ANO3: variants seen among roughly 807,000 people sequenced by gnomAD.
ANO3 encodes anoctamin 3.
Under a neutral mutation model 144.8 loss-of-function variants are expected in ANO3, and 99 were observed. That is an observed-to-expected ratio of 0.68 (90% confidence interval 0.58 to 0.81). The LOEUF is 0.81. ANO3 is among the 30% of genes least tolerant of loss of function. The pLI is 0.00. For missense variants in ANO3, 905 were observed against 1,202.2 expected (o/e 0.75, Z 3.66); for synonymous variants, 414 against 392.6 (o/e 1.05, Z -0.64).
intron 1 of ANO3, among the ~76,000 whole-genome samples, chr11:26,369,672 C>T (rs1013655543): frequency 2.0e-5 from 3 of 152,070 alleles, no homozygotes; most frequent in Non-Finnish European, 2.9e-5. Context: ...AAATACTCAA[C>T]CTAATTAATC....
At chr11:26,480,221 C>T (rs1860156298) in intron 4 of ANO3, among the ~76,000 whole-genome samples, 1 of 152,200 alleles carries the variant, frequency 6.6e-6, no homozygotes, top group African/African-American at 2.4e-5. Flanking sequence ...ACACTTTCCA[C>T]ACTGAGCTGG....
At chr11:26,209,591 CTAA>C in intron 1 of ANO3, among the ~76,000 whole-genome samples, 1 of 75,596 alleles carries the variant, frequency 1.3e-5, no homozygotes, top group Non-Finnish European at 3.7e-5. Flanking sequence ...AATGGTTGAA[CTAA>C]TTTACAATCC....
At chr11:26,388,579 C>T (rs1046467790) in intron 1 of ANO3, among the ~76,000 whole-genome samples, 1 of 152,038 alleles carries the variant, frequency 6.6e-6, no homozygotes. Flanking sequence ...CTAATTTAAG[C>T]CTTTACAATA....
At chr11:26,191,835 G>A (rs192684328) in intron 1 of ANO3, among the ~76,000 whole-genome samples, 7 of 151,884 alleles carry the variant, frequency 4.6e-5, no homozygotes, top group East Asian at 3.9e-4. Context: ...TCCTGTTGCC[G>A]AACATCTGTA....
At chr11:26,284,625 C>T (rs2133847481) in intron 1 of ANO3, among the ~76,000 whole-genome samples, 1 of 152,158 alleles carries the variant, frequency 6.6e-6, no homozygotes, top group African/African-American at 2.4e-5. Flanking sequence ...TTGGGCTGGG[C>T]GCGGTGGCTC....
intron 1 of ANO3, among the ~76,000 whole-genome samples, chr11:26,432,823 G>T (rs1332525074): frequency 6.6e-6 from 1 of 152,194 alleles, no homozygotes; most frequent in Non-Finnish European, 1.5e-5. Flanking sequence ...ATAGTTTGAA[G>T]TCGGGTAACA....
At chr11:26,634,458 C>T in intron 19 of ANO3, 143 bp downstream of exon 19, 1 of 573,870 alleles carries the variant, frequency 1.7e-6, no homozygotes, top group Non-Finnish European at 3.1e-6. Flanking sequence ...CTATTTGCTG[C>T]ATTTGAGCTG....
At chr11:26,285,694 A>T (rs1853791037) in intron 1 of ANO3, 1 of 152,324 alleles carries the variant, frequency 6.6e-6, no homozygotes, top group South Asian at 2.1e-4. Context: ...ATCACTCAAC[A>T]TCTAGAATCG....
chr11:26,393,474 C>G (rs1215581794), intron 1 of ANO3, among the ~76,000 whole-genome samples: 1 of 151,998 alleles, frequency 6.6e-6, no homozygotes, highest in East Asian at 1.9e-4. Flanking sequence ...TGGAAGAGAC[C>G]AAGAAGTCAG....
At chr11:26,586,451 T>G (rs937028999) in intron 14 of ANO3, among the ~76,000 whole-genome samples, 8 of 148,714 alleles carry the variant, frequency 5.4e-5, no homozygotes, top group Admixed American at 3.4e-4. Context: ...AGAATTGATC[T>G]TGATTGTTCA....
intron 1 of ANO3, among the ~76,000 whole-genome samples, chr11:26,297,257 C>A: frequency 6.7e-6 from 1 of 148,564 alleles, no homozygotes; most frequent in East Asian, 2.0e-4. Context: ...TTTTTTTATC[C>A]CTTTTTTGTC....
chr11:26,333,278 C>T (rs979202892), intron 1 of ANO3, among the ~76,000 whole-genome samples: 30 of 119,168 alleles, frequency 2.5e-4, no homozygotes, highest in Admixed American at 2.0e-3. Context: ...TTATGTAGCT[C>T]TTTGACTTTT....
chr11:26,430,508 T>G (rs995364329), intron 1 of ANO3, among the ~76,000 whole-genome samples: 2 of 152,174 alleles, frequency 1.3e-5, no homozygotes, highest in Non-Finnish European at 2.9e-5. Flanking sequence ...TCAGGAAGAT[T>G]ATTTATAGCT....
At chr11:26,311,252 C>T (rs1024331744) in intron 1 of ANO3, among the ~76,000 whole-genome samples, 2 of 152,146 alleles carry the variant, frequency 1.3e-5, no homozygotes, top group African/African-American at 4.8e-5. Flanking sequence ...ATTGACTCTT[C>T]CCAACAACTC....
rs147249631 is a variant in ANO3, at chr11:26,614,049, A to G, written c.1837-10413A>G. Among the ~76,000 whole-genome samples, 397 of 152,316 alleles carry G rather than the reference A, an allele frequency of 2.6e-3. 1 individual carries two copies. The highest frequency in any genetic ancestry group is 4.5e-3 in the Non-Finnish European group (307 of 68,016). On this transcript the variant is annotated intron_variant, in intron 17 of 26. Coordinates refer to ENST00000256737, the MANE Select transcript of ANO3 (RefSeq NM_031418.4). ...TCAGGCCATGCAGGCACATGCATGC[A>G]CTTGGGCCAGGCAGGCTGTAGCAAG...
At chr11:26,431,965 C>G (rs1287293857) in intron 1 of ANO3, among the ~76,000 whole-genome samples, 1 of 152,036 alleles carries the variant, frequency 6.6e-6, no homozygotes. Flanking sequence ...TTTTTTAGCT[C>G]TTTGAGGAAT....
intron 1 of ANO3, among the ~76,000 whole-genome samples, chr11:26,421,552 T>G (rs1279887630): frequency 6.6e-6 from 1 of 152,030 alleles, no homozygotes; most frequent in Non-Finnish European, 1.5e-5. Flanking sequence ...TTTTTAAAAT[T>G]TTTCTTTTAT....
At chr11:26,339,150 C>T (rs1277686006) in intron 1 of ANO3, among the ~76,000 whole-genome samples, 1 of 151,510 alleles carries the variant, frequency 6.6e-6, no homozygotes, top group Admixed American at 6.6e-5. Flanking sequence ...CTCCAAAGTC[C>T]ACTTTTTTTT....
At chr11:26,466,942 T>C (rs375241225) in intron 4 of ANO3, among the ~76,000 whole-genome samples, 329 of 152,128 alleles carry the variant, frequency 2.2e-3, no homozygotes, top group African/African-American at 7.5e-3. Flanking sequence ...TTTAATTCTA[T>C]GGAGCCCAAG....
Sources: gnomAD v4.1 joint callset for allele counts (sites outside exome capture counted in the v4.1 genomes callset) on GRCh38, gnomAD v4.1.1 for gene constraint, MANE v1.5 for transcripts, NCBI Gene and HGNC (gene_info 2026-07-23, HGNC 2026-07-21) for gene names.